STXBP5L: variants seen among roughly 807,000 people sequenced by gnomAD.
The protein encoded by STXBP5L is syntaxin-binding protein 5-like.
A neutral mutation model predicts 144.5 loss-of-function variants in STXBP5L; 65 were observed. That is an observed-to-expected ratio of 0.45 (90% CI 0.37 to 0.55). The LOEUF (loss-of-function observed/expected upper bound fraction) is 0.55, where lower values mean the gene tolerates loss of function less well. Ranked by LOEUF, STXBP5L falls within the 20% of genes least tolerant of loss-of-function variation. The probability of loss-of-function intolerance (pLI) is 0.00; values close to 1 mark genes in which losing one functional copy is unlikely to be tolerated. For synonymous variants in STXBP5L, 505 were observed against 469.6 expected, an observed-to-expected ratio of 1.08 and a Z score of -0.97; for missense variants, 1,298 against 1,405.5, an observed-to-expected ratio of 0.92 and a Z score of 1.22.
intron 9 of STXBP5L, among the ~76,000 whole-genome samples, chr3:121,166,992 A>G (rs1286404860): frequency 0.036 from 1 of 28 alleles, no homozygotes; most frequent in Admixed American, 0.17. Flanking sequence ...ACTGTTCAGA[A>G]AAAAAACGAA....
At chr3:121,060,162 C>G (rs549617719) in intron 5 of STXBP5L, among the ~76,000 whole-genome samples, 2 of 152,082 alleles carry the variant, frequency 1.3e-5, no homozygotes, top group South Asian at 4.1e-4. Flanking sequence ...ACCTAGTTTA[C>G]TGAGTGTTTT....
intron 22 of STXBP5L, among the ~76,000 whole-genome samples, chr3:121,404,010 G>A (rs751419185): frequency 6.6e-6 from 1 of 152,076 alleles, no homozygotes; most frequent in Non-Finnish European, 1.5e-5. Context: ...TTAAATGTCT[G>A]ATGGATCATA....
intron 20 of STXBP5L, among the ~76,000 whole-genome samples, chr3:121,354,574 A>T (rs1250218350): frequency 3.8e-5 from 2 of 52,908 alleles, no homozygotes; most frequent in African/African-American, 1.6e-4. Flanking sequence ...CTTTATTTTT[A>T]GCTTATGTGT....
intron 3 of STXBP5L, among the ~76,000 whole-genome samples, chr3:120,955,448 T>A (rs550376680): frequency 1.3e-5 from 2 of 152,194 alleles, no homozygotes; most frequent in South Asian, 4.1e-4. Flanking sequence ...TAATTTGATC[T>A]TCTTTCTCTA....
At chr3:121,264,295 A>G (rs2050481337) in intron 18 of STXBP5L, among the ~76,000 whole-genome samples, 1 of 152,332 alleles carries the variant, frequency 6.6e-6, no homozygotes, top group African/African-American at 2.4e-5. Context: ...CTGCCTTACA[A>G]GAGCTCCTGA....
At chr3:120,944,937 G>A (rs541628024) in intron 2 of STXBP5L, among the ~76,000 whole-genome samples, 5 of 151,862 alleles carry the variant, frequency 3.3e-5, no homozygotes, top group East Asian at 1.9e-4. Context: ...AAAACTCAAG[G>A]TTTAAATGAT....
At chr3:121,144,343 C>T (rs2045633877) in intron 7 of STXBP5L, among the ~76,000 whole-genome samples, 1 of 151,716 alleles carries the variant, frequency 6.6e-6, no homozygotes, top group African/African-American at 2.4e-5. Context: ...GGTAACCACA[C>T]ACACAAAGAA....
At chr3:121,037,717 G>A (rs1036138905) in intron 3 of STXBP5L, among the ~76,000 whole-genome samples, 1 of 151,904 alleles carries the variant, frequency 6.6e-6, no homozygotes, top group East Asian at 1.9e-4. Context: ...TTTTCTGCAG[G>A]AATTTTATAG....
chr3:121,097,165 T>A (rs2043171525), intron 5 of STXBP5L, among the ~76,000 whole-genome samples: 1 of 152,146 alleles, frequency 6.6e-6, no homozygotes, highest in African/African-American at 2.4e-5. Flanking sequence ...GCACCAGTGG[T>A]GGATGCCCCT....
rs2043984625 is a variant in STXBP5L, at chr3:121,111,486, T to A, written c.471-3439T>A. On this transcript the variant is annotated intron_variant, in intron 5 of 26. Coordinates refer to ENST00000471454, the MANE Select transcript of STXBP5L (RefSeq NM_001308330.2). Reference sequence around the variant, plus strand: ...GTTATTCTTTTAACGGTCAGGCCCCTCTTCTGGTTTGTTGGGGGTCCACTC... The same window carrying A: ...GTTATTCTTTTAACGGTCAGGCCCCACTTCTGGTTTGTTGGGGGTCCACTC... 4.6e-5 allele frequency among the ~76,000 whole-genome samples: 7 copies of A among 152,348 alleles called. No individual in the cohort carries two copies. The South Asian group carries it at 1.4e-3, about 32-fold the overall frequency.
In STXBP5L at chr3:121,180,945, G is replaced by C. The variant is rs1213218559; in HGVS notation, c.877+23318G>C. ...GAAAGAGAAAGAGAAAAGAAGAGAA[G>C]AGAAAAGAAGCAGAGGGTAAGGGAG... On this transcript the variant is annotated intron_variant, in intron 9 of 26. Coordinates refer to ENST00000471454, the MANE Select transcript of STXBP5L (RefSeq NM_001308330.2). 2.7e-5 allele frequency among the ~76,000 whole-genome samples: 4 copies of C among 150,924 alleles called. No homozygotes were observed. In the South Asian group the frequency reaches 6.3e-4, roughly 24 times the overall value.
At chr3:120,958,585 C>G (rs1938329681) in intron 3 of STXBP5L, among the ~76,000 whole-genome samples, 1 of 152,190 alleles carries the variant, frequency 6.6e-6, no homozygotes, top group African/African-American at 2.4e-5. Context: ...CCCTGGGATG[C>G]AAGTCTGGTT....
At chr3:121,175,923 C>T (rs544705518) in intron 9 of STXBP5L, among the ~76,000 whole-genome samples, 8 of 150,664 alleles carry the variant, frequency 5.3e-5, no homozygotes, top group African/African-American at 1.7e-4. Flanking sequence ...GTACTAATTT[C>T]AACAATGTAG....
intron 25 of STXBP5L, among the ~76,000 whole-genome samples, chr3:121,417,185 A>T (rs1173104651): frequency 1.3e-5 from 2 of 152,206 alleles, no homozygotes; most frequent in Non-Finnish European, 2.9e-5. Context: ...ACAGGGAGAG[A>T]CTGCCAATGA....
intron 9 of STXBP5L, 47 bp from the exon 10 acceptor site, chr3:121,205,876 A>T: frequency 9.9e-7 from 1 of 1,010,156 alleles, no homozygotes; most frequent in Non-Finnish European, 1.4e-6. Flanking sequence ...ATTCTTACAG[A>T]TGAATATAAT....
chr3:120,931,626 A>G (rs1709943129), intron 2 of STXBP5L, among the ~76,000 whole-genome samples: 1 of 152,188 alleles, frequency 6.6e-6, no homozygotes, highest in Non-Finnish European at 1.5e-5. Flanking sequence ...AGTTGCTAGA[A>G]TATGTTGCTA....
chr3:121,100,062 A>G (rs533702911), intron 5 of STXBP5L, among the ~76,000 whole-genome samples: 1 of 152,330 alleles, frequency 6.6e-6, no homozygotes, highest in South Asian at 2.1e-4. Context: ...TATCCCAAAT[A>G]TATATGCACC....
chr3:121,362,706 G>T (rs9876100), intron 20 of STXBP5L, among the ~76,000 whole-genome samples: 4,242 of 152,136 alleles, frequency 0.028, 81 homozygotes, highest in Non-Finnish European at 0.043. Context: ...GACCCCAAGA[G>T]CCTGCTTGGT....
intron 9 of STXBP5L, among the ~76,000 whole-genome samples, chr3:121,172,895 G>C (rs955010359): frequency 7.9e-5 from 12 of 152,102 alleles, no homozygotes; most frequent in Admixed American, 5.2e-4. Context: ...GTTTATTATA[G>C]CACTGCTCAC....
Sources: gnomAD v4.1 joint callset for allele counts (sites outside exome capture counted in the v4.1 genomes callset) on GRCh38, gnomAD v4.1.1 for gene constraint, MANE v1.5 for transcripts, NCBI Gene and HGNC (gene_info 2026-07-23, HGNC 2026-07-21) for gene names.